Variants in XKR9 observed in about 807,000 individuals in gnomAD.
XKR9 encodes XK related 9.
Under a neutral mutation model 32.0 loss-of-function variants are expected in XKR9, and 32 were observed. That is an observed-to-expected ratio of 1.00 (90% CI 0.76 to 1.34). The LOEUF (loss-of-function observed/expected upper bound fraction) is 1.34. XKR9 is among the 40% of genes most tolerant of loss of function. The pLI is 0.00. For synonymous variants in XKR9, 168 were observed against 143.4 expected (o/e 1.17, Z -1.22); for missense variants, 546 against 429.7 (o/e 1.27, Z -2.39).
chr8:70,814,584 A>G, the XKR9 span, among the ~76,000 whole-genome samples: 1 of 152,126 alleles, frequency 6.6e-6, no homozygotes. Context: ...CAAACTAGAA[A>G]GAACATATCT....
At chr8:70,912,969 C>T in the XKR9 span, among the ~76,000 whole-genome samples, 1 of 152,138 alleles carries the variant, frequency 6.6e-6, no homozygotes, top group African/African-American at 2.4e-5. Flanking sequence ...CACTCCACTT[C>T]CCCCAAATGA....
chr8:70,987,469 G>T, the XKR9 span, among the ~76,000 whole-genome samples: 3 of 152,254 alleles, frequency 2.0e-5, no homozygotes, highest in Non-Finnish European at 2.9e-5. Context: ...CAGCAGGGCA[G>T]TCAAATCTTA....
chr8:71,021,632 A>G, the XKR9 span, among the ~76,000 whole-genome samples: 2 of 149,688 alleles, frequency 1.3e-5, no homozygotes. Context: ...CCTCCCGTGT[A>G]GCTGGGACTA....
chr8:70,854,462 T>A, the XKR9 span, among the ~76,000 whole-genome samples: 1 of 152,194 alleles, frequency 6.6e-6, no homozygotes, highest in Non-Finnish European at 1.5e-5. Flanking sequence ...TTTTCTCTCA[T>A]TTTGTAGGTT....
intron 2 of XKR9, among the ~76,000 whole-genome samples, chr8:70,778,087 G>A (rs1003047195): frequency 1.3e-5 from 2 of 152,146 alleles, no homozygotes; most frequent in African/African-American, 4.8e-5. Context: ...ATGGTTTTAG[G>A]TCTTACATTT....
At chr8:71,025,955 G>C in the XKR9 span, among the ~76,000 whole-genome samples, 56 of 152,132 alleles carry the variant, frequency 3.7e-4, no homozygotes, top group African/African-American at 1.1e-3. Context: ...ACTCAGCCTG[G>C]CTCAACCACA....
rs143586681 is a variant in XKR9, at chr8:70,768,549, A to C, written n.353-20790A>C. ...AAGTCTCCCACTATTATTGTGTGGG[A>C]GTCTAAGTCTATTATTGTCTAGTAT... On this transcript the variant is annotated intron_variant and non_coding_transcript_variant, in intron 2 of 3. Coordinates refer to the XKR9 transcript ENST00000520273. Among the ~76,000 whole-genome samples the C allele has an allele frequency of 1.1e-4, 16 of 152,188 alleles. No individual in the cohort carries two copies. In the East Asian group the frequency reaches 3.1e-3, roughly 29 times the overall value.
the XKR9 span, among the ~76,000 whole-genome samples, chr8:70,823,615 G>T: frequency 6.6e-6 from 1 of 152,180 alleles, no homozygotes; most frequent in Non-Finnish European, 1.5e-5. Context: ...TGCTAAAAAA[G>T]TGTGCAGGAG....
At chr8:70,921,112 T>C in the XKR9 span, among the ~76,000 whole-genome samples, 1,764 of 152,354 alleles carry the variant, frequency 0.012, 21 homozygotes, top group Middle Eastern at 0.031. Flanking sequence ...TGGTGGACTA[T>C]AGCCAGAAAT....
At chr8:70,837,252 G>A in the XKR9 span, among the ~76,000 whole-genome samples, 1 of 152,170 alleles carries the variant, frequency 6.6e-6, no homozygotes, top group East Asian at 1.9e-4. Flanking sequence ...TATCAGTATA[G>A]CACCTTAGAG....
the XKR9 span, among the ~76,000 whole-genome samples, chr8:70,990,957 A>G: frequency 6.6e-6 from 1 of 152,194 alleles, no homozygotes; most frequent in Admixed American, 6.5e-5. Context: ...ATCTAATTTC[A>G]TAATATAACA....
At chr8:70,714,525 C>T (rs373773151) in intron 4 of XKR9, among the ~76,000 whole-genome samples, 3 of 151,794 alleles carry the variant, frequency 2.0e-5, no homozygotes, top group Admixed American at 6.6e-5. Flanking sequence ...TTTTCTCTAG[C>T]GTGGTCGATT....
At chr8:70,883,388 T>C in the XKR9 span, among the ~76,000 whole-genome samples, 1 of 152,070 alleles carries the variant, frequency 6.6e-6, no homozygotes, top group Non-Finnish European at 1.5e-5. Flanking sequence ...GTCAATAGAC[T>C]CTTAGGTTGG....
chr8:70,863,259 G>A, the XKR9 span, among the ~76,000 whole-genome samples: 1 of 152,038 alleles, frequency 6.6e-6, no homozygotes, highest in African/African-American at 2.4e-5. Flanking sequence ...TAATAATTAA[G>A]GCTATAAGTT....
At chr8:70,809,295 A>G in the XKR9 span, among the ~76,000 whole-genome samples, 1 of 152,232 alleles carries the variant, frequency 6.6e-6, no homozygotes, top group Non-Finnish European at 1.5e-5. Context: ...CCTCATCCGT[A>G]CGTCACCATC....
At chr8:70,722,122 CTGATTTTTTT>C (rs903691388) in intron 4 of XKR9, among the ~76,000 whole-genome samples, 34 of 151,852 alleles carry the variant, frequency 2.2e-4, no homozygotes, top group African/African-American at 8.2e-4. Context: ...ATTGCAACCC[CTGATTTTTTT>C]TTTTTGCTTT....
At chr8:70,920,495 C>T in the XKR9 span, among the ~76,000 whole-genome samples, 7 of 151,804 alleles carry the variant, frequency 4.6e-5, no homozygotes, top group South Asian at 1.2e-3. Flanking sequence ...TAAAAAATAA[C>T]CTGAAAAAGA....
chr8:70,952,030 C>A, the XKR9 span, among the ~76,000 whole-genome samples: 1 of 151,960 alleles, frequency 6.6e-6, no homozygotes, highest in African/African-American at 2.4e-5. Flanking sequence ...CAGGTCTACA[C>A]ATGTGGATAG....
At chr8:70,804,454 T>C in the XKR9 span, among the ~76,000 whole-genome samples, 1 of 152,266 alleles carries the variant, frequency 6.6e-6, no homozygotes, top group Admixed American at 6.5e-5. Context: ...TATGCCTCAA[T>C]TATTTTATGT....
Sources: allele counts gnomAD v4.1 joint callset (sites outside exome capture counted in the v4.1 genomes callset), GRCh38; gene constraint gnomAD v4.1.1; transcripts MANE v1.5; gene names NCBI Gene and HGNC (gene_info 2026-07-23, HGNC 2026-07-21).